Variants in ZMYND8 observed in about 807,000 individuals in gnomAD.
ZMYND8 encodes MYND-type zinc finger-containing chromatin reader ZMYND8.
In ZMYND8, 37 loss-of-function variants were observed where a neutral mutation model predicts 140.8. The ratio of observed to expected loss-of-function variants is 0.26; its 90% CI spans 0.20 to 0.35. ZMYND8 has a LOEUF of 0.35. ZMYND8 is among the 10% of genes least tolerant of loss of function. The probability of loss-of-function intolerance (pLI) is 1.00; values close to 1 mark genes in which losing one functional copy is unlikely to be tolerated. For missense variants in ZMYND8, 1,068 were observed against 1,570.0 expected, an observed-to-expected ratio of 0.68 and a Z score of 5.40; for synonymous variants, 592 against 597.1, an observed-to-expected ratio of 0.99 and a Z score of 0.12.
At chr20:47,229,682 C>A (rs1324611542) in intron 17 of ZMYND8, 44 bp downstream of exon 17, 1 of 1,592,786 alleles carries the variant, frequency 6.3e-7, no homozygotes, top group Non-Finnish European at 8.6e-7. Context: ...AAGCAGCCCA[C>A]AAAACACTCT....
intron 2 of ZMYND8, chr20:47,318,931 C>CG: frequency 7.4e-7 from 1 of 1,348,130 alleles, no homozygotes; most frequent in Non-Finnish European, 9.8e-7. Context: ...GGGCAGGGAA[C>CG]GCCAAGAGGA....
In ZMYND8 at chr20:47,229,659, G is replaced by A. The variant is rs6018350; in HGVS notation, c.2937+67C>T. The A allele has an allele frequency of 7.0e-3, 10,442 of 1,486,460 alleles. 498 individuals are homozygous for A. The African/African-American group carries it at 0.11, about 16-fold the overall frequency. The allele number at this position is 1,486,460 out of a possible 1,614,324, so 92.1% of individuals were successfully genotyped here. A position where few individuals can be genotyped will look rare whatever the true frequency, so the allele number is the denominator to read the frequency against. ...GGGGTTTCCAGAGAAGCTTCTTCATGGTACCACCTTTAAAGCAGCCCACAA... is the reference window on the plus strand; with the variant it reads ...GGGGTTTCCAGAGAAGCTTCTTCATAGTACCACCTTTAAAGCAGCCCACAA... On this transcript the variant is annotated intron_variant, in intron 17 of 22. Transcript: ENST00000471951.
At chr20:47,238,251 G>A (rs1403884233) in intron 15 of ZMYND8, 5 of 174,360 alleles carry the variant, frequency 2.9e-5, no homozygotes, top group Admixed American at 1.1e-4. Context: ...TCCAAAACAT[G>A]CTGATGGGTG....
chr20:47,329,463 G>A (rs1434143534), intron 2 of ZMYND8, among the ~76,000 whole-genome samples: 4 of 151,966 alleles, frequency 2.6e-5, no homozygotes, highest in African/African-American at 9.7e-5. Flanking sequence ...GGAGTGCAAT[G>A]GCGTGATCTC....
Position 47,238,963 on chromosome 20 carries a change from T to G in ZMYND8, c.2460A>C (p.Lys820Asn), listed in dbSNP as rs376126311. The change falls in exon 15 of 23, where the codon AAA becomes AAC. Residue 820 changes from lysine (K) to asparagine (N), a missense_variant. By Grantham distance (94) the Lys-to-Asn change is moderately conservative. This residue lies in a region of ZMYND8 where 383 missense variants were observed against 431.2 expected (regional missense o/e 0.89). Transcript: ENST00000471951. ...CCTTCGGTAAAAGCGGCCTCTGCTTTTTCACTGGGCTTCCTGTGGCGGCGG... is the reference window on the plus strand; with the variant it reads ...CCTTCGGTAAAAGCGGCCTCTGCTTGTTCACTGGGCTTCCTGTGGCGGCGG... ...PAPAATGSPV[K>N]KQRPLLPKET... 3 of 1,612,180 alleles carry G rather than the reference T, an allele frequency of 1.9e-6. No individual in the cohort carries two copies. Among genetic ancestry groups the G allele is most frequent in the Non-Finnish European group, 1.7e-6 (2 of 1,178,288 alleles).
At chr20:47,275,099 C>A (rs1159082654) in intron 11 of ZMYND8, among the ~76,000 whole-genome samples, 1 of 152,186 alleles carries the variant, frequency 6.6e-6, no homozygotes, top group Admixed American at 6.5e-5. Flanking sequence ...CTGCTTTATT[C>A]ATTCTAGAAA....
intron 17 of ZMYND8, 33 bp downstream of exon 17, chr20:47,229,693 T>G (rs1425902900): frequency 6.2e-7 from 1 of 1,602,090 alleles, no homozygotes; most frequent in Non-Finnish European, 8.5e-7. Context: ...AAAACACTCT[T>G]AGCAAATAAG....
intron 9 of ZMYND8, 58 bp from the exon 10 acceptor site, chr20:47,282,275 T>A: frequency 1.4e-6 from 2 of 1,461,654 alleles, no homozygotes; most frequent in Non-Finnish European, 1.9e-6. Context: ...AGATACTCAC[T>A]AAAGTTTGGT....
intron 7 of ZMYND8, among the ~76,000 whole-genome samples, chr20:47,288,794 A>G (rs974827120): frequency 3.9e-5 from 6 of 152,198 alleles, no homozygotes; most frequent in Admixed American, 1.3e-4. Context: ...AGATATGCAT[A>G]TATCTTTCCT....
At chr20:47,227,817 G>C (rs767652926) in intron 17 of ZMYND8, among the ~76,000 whole-genome samples, 48 of 152,220 alleles carry the variant, frequency 3.2e-4, no homozygotes, top group Non-Finnish European at 5.9e-4. Flanking sequence ...TTTTGGCCAG[G>C]TGCGGTGGCT....
At chr20:47,215,057 A>C (rs1205116577) in intron 21 of ZMYND8, among the ~76,000 whole-genome samples, 1 of 152,176 alleles carries the variant, frequency 6.6e-6, no homozygotes, top group Admixed American at 6.5e-5. Context: ...CCTGTCTCTT[A>C]GGTTTCAAAA....
At chr20:47,321,533 A>G (rs1221182417) in intron 2 of ZMYND8, among the ~76,000 whole-genome samples, 1 of 152,254 alleles carries the variant, frequency 6.6e-6, no homozygotes, top group Non-Finnish European at 1.5e-5. Context: ...AACTTCAGTG[A>G]GCTACCAGGC....
intron 11 of ZMYND8, among the ~76,000 whole-genome samples, chr20:47,266,438 G>A (rs1480074142): frequency 1.3e-5 from 2 of 151,936 alleles, no homozygotes; most frequent in African/African-American, 2.4e-5. Context: ...CCACCACCAC[G>A]CCCGGCTAAT....
intron 21 of ZMYND8, among the ~76,000 whole-genome samples, chr20:47,213,936 A>G (rs1416308669): frequency 6.6e-6 from 1 of 152,246 alleles, no homozygotes; most frequent in African/African-American, 2.4e-5. Flanking sequence ...TTTCCCCTGC[A>G]CTATTTTATT....
chr20:47,220,192 A>C (rs2036739344), intron 21 of ZMYND8, 66 bp downstream of exon 21: 1 of 1,401,712 alleles, frequency 7.1e-7, no homozygotes, highest in Non-Finnish European at 9.9e-7. Context: ...TCTCCCTGAC[A>C]AAATGGCTCC....
Position 47,283,621 on chromosome 20 carries a change from A to G in ZMYND8, c.832T>C (p.Cys278Arg). 1 of 1,614,150 alleles carries G rather than the reference A, an allele frequency of 6.2e-7. No individual in the cohort carries two copies. The highest frequency in any genetic ancestry group is 8.5e-7 in the Non-Finnish European group (1 of 1,180,002). ...EMNEIEVCPE[C>R]YLAACQKRDN... Reference sequence around the variant, plus strand: ...CGTTTTTGGCAAGCAGCTAGATAACATTCTGGACATACTTCGATTTCATTC... The same window carrying G: ...CGTTTTTGGCAAGCAGCTAGATAACGTTCTGGACATACTTCGATTTCATTC... The change falls in exon 9 of 23, where the codon TGT becomes CGT. Residue 278 changes from cysteine (C) to arginine (R), a missense_variant. By Grantham distance (180) the Cys-to-Arg change is radical. Transcript: ENST00000471951.
chr20:47,273,377 C>T (rs1314627997), intron 11 of ZMYND8, among the ~76,000 whole-genome samples: 1 of 151,996 alleles, frequency 6.6e-6, no homozygotes, highest in Non-Finnish European at 1.5e-5. Flanking sequence ...GAAACCCTGT[C>T]TCTACTAAAA....
At chr20:47,282,925 T>G (rs557188654) in intron 9 of ZMYND8, among the ~76,000 whole-genome samples, 1 of 152,160 alleles carries the variant, frequency 6.6e-6, no homozygotes, top group African/African-American at 2.4e-5. Flanking sequence ...TTGCTACCTT[T>G]ATTCTTTATT....
At chr20:47,344,360 T>C (rs144553888) in intron 2 of ZMYND8, among the ~76,000 whole-genome samples, 2 of 152,242 alleles carry the variant, frequency 1.3e-5, no homozygotes, top group African/African-American at 4.8e-5. Context: ...GTCTTCTTCC[T>C]CCCCAAAACC....
Sources: gnomAD v4.1 joint callset for allele counts (sites outside exome capture counted in the v4.1 genomes callset) on GRCh38, gnomAD v4.1.1 for gene constraint, gnomAD v4.1.1 regional missense constraint, MANE v1.5 for transcripts, NCBI Gene and HGNC (gene_info 2026-07-23, HGNC 2026-07-21) for gene names.